Variants in PNPLA8 observed in about 807,000 individuals in gnomAD.
The protein encoded by PNPLA8 is calcium-independent phospholipase A2-gamma.
Under a neutral mutation model 76.9 loss-of-function variants are expected in PNPLA8, and 39 were observed. That is an observed-to-expected ratio of 0.51 (90% confidence interval 0.39 to 0.66). The LOEUF is 0.66. Among genes scored for constraint, PNPLA8 ranks in the 30% least tolerant of loss-of-function variants. The probability of loss-of-function intolerance (pLI) is 0.00; values close to 1 mark genes in which losing one functional copy is unlikely to be tolerated. For synonymous variants in PNPLA8, 301 were observed against 307.9 expected (o/e 0.98, Z 0.24); for missense variants, 887 against 918.0 (o/e 0.97, Z 0.44).
intron 7 of PNPLA8, among the ~76,000 whole-genome samples, chr7:108,495,777 G>T (rs1861501764): frequency 6.6e-6 from 1 of 152,088 alleles, no homozygotes; most frequent in African/African-American, 2.4e-5. Context: ...AAATGATTAA[G>T]AAAGTGTAAC....
intron 4 of PNPLA8, among the ~76,000 whole-genome samples, chr7:108,504,569 C>T (rs982291593): frequency 6.6e-6 from 1 of 152,178 alleles, no homozygotes; most frequent in Admixed American, 6.5e-5. Context: ...CACATATTCA[C>T]TGCAATCCCA....
intron 4 of PNPLA8, among the ~76,000 whole-genome samples, chr7:108,503,373 G>A (rs576470479): frequency 5.3e-4 from 81 of 152,256 alleles, no homozygotes; most frequent in African/African-American, 1.9e-3. Flanking sequence ...GCAACCTTCT[G>A]TAAATCAAAC....
At chr7:108,487,441 G>A (rs1265920997) in intron 9 of PNPLA8, among the ~76,000 whole-genome samples, 2 of 152,136 alleles carry the variant, frequency 1.3e-5, no homozygotes, top group African/African-American at 4.8e-5. Flanking sequence ...TTCAGGGAGT[G>A]TATATCGTTT....
chr7:108,477,003 G>A (rs1860045902), intron 10 of PNPLA8, among the ~76,000 whole-genome samples: 1 of 152,202 alleles, frequency 6.6e-6, no homozygotes, highest in Non-Finnish European at 1.5e-5. Flanking sequence ...ATGGAGAGAT[G>A]TTGGTCAAAG....
In PNPLA8 at chr7:108,472,719, G is replaced by T. The variant is rs773735363; in HGVS notation, c.2075-44C>A. The T allele has an allele frequency of 7.3e-6, 10 of 1,371,976 alleles. No homozygotes were observed. In the African/African-American group the frequency reaches 1.3e-4, roughly 18 times the overall value. 85.0% of individuals were successfully genotyped at this position (1,371,976 alleles called of 1,614,324 possible). A position where few individuals can be genotyped will look rare whatever the true frequency, so the allele number is the denominator to read the frequency against. On this transcript the variant is annotated intron_variant, in intron 10 of 10. Coordinates refer to ENST00000257694, the MANE Select transcript of PNPLA8 (RefSeq NM_001256007.3). ...AAAGGATAAGGGGATAAGAAAAGAG[G>T]GGATAAAGTGAGCAATGAACTGTTA...
At chr7:108,525,922 G>T in intron 1 of PNPLA8, 107 bp downstream of exon 1, 1 of 384,154 alleles carries the variant, frequency 2.6e-6, no homozygotes, top group Middle Eastern at 1.3e-3. Flanking sequence ...TCTCGCTCGG[G>T]AAGTGCCCTC....
intron 4 of PNPLA8, among the ~76,000 whole-genome samples, chr7:108,512,422 C>T (rs1420203863): frequency 6.6e-6 from 1 of 152,134 alleles, no homozygotes; most frequent in East Asian, 1.9e-4. Context: ...AGACCACCTT[C>T]ATCACAGTGA....
rs766672877 is a variant in PNPLA8 at position 108,487,935 on chromosome 7, T to C, written c.1702A>G (p.Ile568Val). The change falls in exon 9 of 11, where the codon ATA becomes GTA. Residue 568 changes from isoleucine (I) to valine (V), a missense_variant. Ile to Val is a conservative substitution (Grantham distance 29, BLOSUM62 3). Transcript: ENST00000257694. ...TCPKVAAVSTIVNRGITPKAF... is the reference protein window; with the variant it reads ...TCPKVAAVSTVVNRGITPKAF... ...TTGGGTGTTATCCCTCTATTTACTA[T>C]GGTACTTACAGCAGCTACCTAGTGA... The C allele has an allele frequency of 6.8e-6, 11 of 1,608,684 alleles. No individual in the cohort carries two copies. The highest frequency in any genetic ancestry group is 1.1e-5 in the South Asian group (1 of 90,572).
chr7:108,498,082 A>G (rs1385858412), intron 5 of PNPLA8, among the ~76,000 whole-genome samples: 2 of 151,298 alleles, frequency 1.3e-5, no homozygotes, highest in Non-Finnish European at 2.9e-5. Flanking sequence ...CAAACAACTA[A>G]ATAAGAATAC....
Position 108,472,081 on chromosome 7 carries a change from T to C in PNPLA8, c.*320A>G, listed in dbSNP as rs920984097. On this transcript the variant is annotated 3_prime_UTR_variant, in exon 11 of 11. Transcript: ENST00000257694. ...ATACACAGTACAATATAGCTTTCGGTTTCTTGTTCGGCACATATATTAATA... is the reference window on the plus strand; with the variant it reads ...ATACACAGTACAATATAGCTTTCGGCTTCTTGTTCGGCACATATATTAATA... 3.4e-5 allele frequency: 6 copies of C among 176,866 alleles called. No homozygotes were observed. The highest frequency in any genetic ancestry group is 5.9e-5 in the Non-Finnish European group (5 of 85,040). 11.0% of individuals were successfully genotyped at this position (176,866 alleles called of 1,614,324 possible). A position where few individuals can be genotyped will look rare whatever the true frequency, so the allele number is the denominator to read the frequency against.
At chr7:108,476,919 T>C (rs1313444118) in intron 10 of PNPLA8, among the ~76,000 whole-genome samples, 1 of 152,078 alleles carries the variant, frequency 6.6e-6, no homozygotes, top group Non-Finnish European at 1.5e-5. Flanking sequence ...AACATTTACA[T>C]GTGGAATCTA....
At chr7:108,479,087 A>G (rs1013561742) in intron 10 of PNPLA8, 97 bp downstream of exon 10, 12 of 744,392 alleles carry the variant, frequency 1.6e-5, no homozygotes, top group Admixed American at 4.4e-5. Context: ...CAATACAGAC[A>G]TATCATATGC....
chr7:108,499,616 T>C (rs928427457), intron 5 of PNPLA8, among the ~76,000 whole-genome samples: 1 of 152,182 alleles, frequency 6.6e-6, no homozygotes, highest in Non-Finnish European at 1.5e-5. Flanking sequence ...GTCACAACTG[T>C]CCTCTTCAAA....
chr7:108,519,347 CCA>C (rs1863579165), intron 2 of PNPLA8, among the ~76,000 whole-genome samples: 1 of 152,074 alleles, frequency 6.6e-6, no homozygotes. Flanking sequence ...CTGCAGTGAG[CCA>C]CAGAGACCCC....
Position 108,479,300 on chromosome 7 carries a change from T to A in PNPLA8, c.1958A>T (p.Glu653Val). ...CKCLWPDVPL[E>V]CIVSLGTGRY... is the part of the protein sequence containing the mutation. The stretch of plus-strand genomic sequence containing the variant: ...TCCAGTGCCCAGGGATACTATGCAC[T>A]CTAACGGCACATCTGGCCAAAGACA... Residue 653 changes from glutamate (E) to valine (V), a missense_variant, in exon 10 of 11, where the codon GAG becomes GTG. Coordinates refer to ENST00000257694, the MANE Select transcript of PNPLA8 (RefSeq NM_001256007.3). The A allele has an allele frequency of 6.2e-7, 1 of 1,613,106 alleles. No individual in the cohort carries two copies.
At chr7:108,518,603 G>C (rs186971035) in intron 2 of PNPLA8, among the ~76,000 whole-genome samples, 3 of 151,516 alleles carry the variant, frequency 2.0e-5, no homozygotes, top group African/African-American at 7.3e-5. Flanking sequence ...GTCAGGGTAG[G>C]GGGTATATGG....
chr7:108,515,675 A>C (rs1376349621), intron 2 of PNPLA8, 101 bp from the exon 3 acceptor site: 2 of 540,326 alleles, frequency 3.7e-6, no homozygotes, highest in African/African-American at 2.0e-5. Flanking sequence ...AAGCTGTCTC[A>C]AAAAAAGCAG....
intron 8 of PNPLA8, 120 bp from the exon 9 acceptor site, chr7:108,488,073 A>C (rs953855743): frequency 8.5e-6 from 4 of 472,088 alleles, no homozygotes; most frequent in African/African-American, 8.0e-5. Context: ...TAACAAATAT[A>C]ATGCTGAAAA....
chr7:108,511,106 T>G, intron 4 of PNPLA8: 1 of 638,918 alleles, frequency 1.6e-6, no homozygotes, highest in South Asian at 2.2e-5. Context: ...TCTCTTTCCT[T>G]TCCTGTAAAA....
Sources: gnomAD v4.1 joint callset for allele counts (sites outside exome capture counted in the v4.1 genomes callset) on GRCh38, gnomAD v4.1.1 for gene constraint, MANE v1.5 for transcripts, NCBI Gene and HGNC (gene_info 2026-07-23, HGNC 2026-07-21) for gene names.